The following NBPF12 variants were observed in gnomAD, a reference collection of about 807,000 sequenced individuals.
NBPF12 encodes NBPF member 12, also known as NBPF family member NBPF12.
In NBPF12, 115 loss-of-function variants were observed where a neutral mutation model predicts 146.4. The ratio of observed to expected loss-of-function variants is 0.79; its 90% confidence interval spans 0.68 to 0.92. NBPF12 has a LOEUF of 0.92. NBPF12 is among the 40% of genes least tolerant of loss of function. The probability of loss-of-function intolerance (pLI) is 0.00; values close to 1 mark genes in which losing one functional copy is unlikely to be tolerated. For missense variants in NBPF12, 1,205 were observed against 1,326.8 expected (o/e 0.91, Z 1.43); for synonymous variants, 385 against 508.9 (o/e 0.76, Z 3.28).
intron 4 of NBPF12, among the ~76,000 whole-genome samples, chr1:146,961,753 A>G (rs1199085892): frequency 2.0e-5 from 3 of 151,862 alleles, no homozygotes; most frequent in Non-Finnish European, 2.9e-5. Context: ...TAAAAGGGAA[A>G]CCATCAGTCC....
intron 33 of NBPF12, 150 bp from the exon 37 acceptor site, chr1:146,994,182 C>A: frequency 6.7e-7 from 1 of 1,487,818 alleles, no homozygotes; most frequent in Non-Finnish European, 9.2e-7. Flanking sequence ...CCTGTTCTAT[C>A]CCAACATAAA....
At chr1:146,940,904 A>G (rs1553882774) in intron 1 of NBPF12, among the ~76,000 whole-genome samples, 12,907 of 151,836 alleles carry the variant, frequency 0.085, 692 homozygotes, top group East Asian at 0.22. Flanking sequence ...GTCCTCTTTC[A>G]TGAAGTGCCT....
At chr1:146,961,014 C>T (rs1239526397) in intron 4 of NBPF12, among the ~76,000 whole-genome samples, 6 of 151,964 alleles carry the variant, frequency 3.9e-5, no homozygotes, top group South Asian at 2.1e-4. Flanking sequence ...GGCGTCGTGG[C>T]GGGCAACTGT....
At chr1:146,960,314 A>G (rs1270320947) in exon 4 of NBPF12, 64 of 1,407,570 alleles carry the variant, frequency 4.5e-5, no homozygotes, top group Non-Finnish European at 3.2e-5. Context: ...GACAGAAGAA[A>G]TACAGTAAGA....
At chr1:146,950,802 T>C (rs3194152) in intron 1 of NBPF12, among the ~76,000 whole-genome samples, 1 of 152,100 alleles carries the variant, frequency 6.6e-6, no homozygotes, top group African/African-American at 2.4e-5. Flanking sequence ...CAAGAATGTA[T>C]CCATTCTTGT....
exon 13 of NBPF12, chr1:146,971,227 T>G (rs1157338991): frequency 2.5e-6 from 4 of 1,611,976 alleles, no homozygotes; most frequent in Non-Finnish European, 3.4e-6. Flanking sequence ...GAGGACTCAC[T>G]GGAGGAATGT....
At chr1:146,950,824 T>G in intron 1 of NBPF12, among the ~76,000 whole-genome samples, 1 of 152,272 alleles carries the variant, frequency 6.6e-6, no homozygotes. Flanking sequence ...TTGATAGATA[T>G]TTGAATGTTT....
intron 10 of NBPF12, among the ~76,000 whole-genome samples, chr1:146,968,753 GTT>G (rs1656370658): frequency 6.6e-6 from 1 of 151,548 alleles, no homozygotes; most frequent in Non-Finnish European, 1.5e-5. Flanking sequence ...TCAGAGCCTT[GTT>G]TTCTCTTTTT....
intron 2 of NBPF12, among the ~76,000 whole-genome samples, chr1:146,954,131 C>T (rs1655447186): frequency 1.3e-5 from 2 of 150,018 alleles, no homozygotes; most frequent in African/African-American, 2.5e-5. Context: ...ATGGCTCACA[C>T]TTGTAATCTC....
At chr1:146,983,008 A>G (rs1196823338) in exon 20 of NBPF12, 9 of 1,609,478 alleles carry the variant, frequency 5.6e-6, no homozygotes, top group Non-Finnish European at 7.6e-6. Context: ...ATTCCTCCTG[A>G]AAGGTTGGCC....
At chr1:146,981,191 T>G (rs1278531566) in intron 19 of NBPF12, among the ~76,000 whole-genome samples, 1 of 133,474 alleles carries the variant, frequency 7.5e-6, no homozygotes, top group Non-Finnish European at 1.6e-5. Flanking sequence ...AATGATGAGT[T>G]AATGGGTGAA....
chr1:146,981,355 G>T (rs1657377175), intron 19 of NBPF12, among the ~76,000 whole-genome samples: 1 of 130,906 alleles, frequency 7.6e-6, no homozygotes, highest in Non-Finnish European at 1.7e-5. Context: ...TATACATATG[G>T]AAAAAAAAAG....
exon 34 of NBPF12, chr1:146,994,756 A>G (rs1658437616): frequency 2.9e-6 from 3 of 1,043,522 alleles, no homozygotes; most frequent in East Asian, 5.2e-5. Flanking sequence ...AAGACAATGG[A>G]CCCACGTTAG....
intron 1 of NBPF12, among the ~76,000 whole-genome samples, chr1:146,940,472 A>G (rs1428027004): frequency 6.6e-6 from 1 of 152,008 alleles, no homozygotes; most frequent in Non-Finnish European, 1.5e-5. Flanking sequence ...TGTGTGGTCA[A>G]CAGAGCCCGG....
exon 32 of NBPF12, chr1:146,992,809 G>C: frequency 1.5e-6 from 1 of 689,440 alleles, no homozygotes; most frequent in South Asian, 1.4e-5. Context: ...TGAACAGCCT[G>C]ACTCCTGCCA....
chr1:146,962,216 C>A, exon 5 of NBPF12: 1 of 1,608,248 alleles, frequency 6.2e-7, no homozygotes, highest in Admixed American at 1.7e-5. Context: ...AGCGACAGTT[C>A]AAGGAGGAGA....
chr1:146,980,109 C>T (rs1219840093), intron 19 of NBPF12, among the ~76,000 whole-genome samples: 1 of 151,452 alleles, frequency 6.6e-6, no homozygotes, highest in African/African-American at 2.4e-5. Context: ...GGTTTAAAGT[C>T]TGTTTTATCA....
intron 16 of NBPF12, 124 bp from the exon 20 acceptor site, chr1:146,976,805 A>T: frequency 1.8e-6 from 1 of 567,868 alleles, no homozygotes; most frequent in South Asian, 2.0e-5. Context: ...AAGATAAAAC[A>T]TGAGAGTTTT....
rs1396447617 is a variant in NBPF12 at position 146,964,360 on chromosome 1, A to G, written c.497A>G (p.Asn166Ser). The change falls in exon 7 of 34, where the codon AAT becomes AGT. Residue 166 changes from asparagine to serine, a missense_variant. Coordinates refer to ENST00000617844, the Ensembl canonical transcript of NBPF12. Reference sequence around the variant, plus strand: ...AATGAACATTTTGTATTTATAGAAAATGATGAAGATGAGGATGAAGATGTT... The same window carrying G: ...AATGAACATTTTGTATTTATAGAAAGTGATGAAGATGAGGATGAAGATGTT... The G allele has an allele frequency of 4.6e-5, 74 of 1,603,232 alleles. 4 individuals carry two copies. The African/African-American group carries it at 9.1e-4, about 20-fold the overall frequency.
Sources: gnomAD v4.1 joint callset for allele counts (sites outside exome capture counted in the v4.1 genomes callset) on GRCh38, gnomAD v4.1.1 for gene constraint, MANE v1.5 for transcripts, NCBI Gene and HGNC (gene_info 2026-07-23, HGNC 2026-07-21) for gene names.